Variants in LIMCH1 observed in about 807,000 individuals in gnomAD.
LIMCH1 encodes the protein LIM and calponin homology domains-containing protein 1.
In LIMCH1, 113 loss-of-function variants were observed where a neutral mutation model predicts 176.5. The observed-to-expected ratio is 0.64, with a 90% CI of 0.55 to 0.75. The LOEUF (loss-of-function observed/expected upper bound fraction) is 0.75. Among genes scored for constraint, LIMCH1 ranks in the 30% least tolerant of loss-of-function variants. The pLI is 0.00. For synonymous variants in LIMCH1, 619 were observed against 645.9 expected (o/e 0.96, Z 0.63); for missense variants, 1,674 against 1,814.9 (o/e 0.92, Z 1.41).
Position 41,629,656 on chromosome 4 carries a change from C to T in LIMCH1, c.1193C>T (p.Pro398Leu), listed in dbSNP as rs1253409384. 36 of 1,535,938 alleles carry T rather than the reference C, an allele frequency of 2.3e-5. No homozygotes were observed. In the Admixed American group the frequency reaches 3.3e-4, roughly 14 times the overall value. ...AGCCTTGCCCCTCACCGCGAGCCCC[C>T]GAGCTTCATTACGCTCTCCAACATA... ...QGSLAPHREP[P>L]SFITLSNITE... The change falls in exon 9 of 32, where the codon CCG becomes CTG. Residue 398 changes from proline to leucine, a missense_variant. Pro to Leu is a moderately conservative substitution (Grantham distance 98). Coordinates refer to ENST00000503057, the MANE Select transcript of LIMCH1 (RefSeq NM_001330672.2).
At position 41,633,041 on chromosome 4, in the gene LIMCH1, G is replaced by A; in HGVS notation, c.1785G>A (p.Glu595=). ...EETESAPRDS[E]RLSKAERSED... Reference sequence around the variant, plus strand: ...CAGAAAGCGCTCCAAGAGATTCTGAGAGGCTGTCAAAGGCAGAAAGATCAG... The same window carrying A: ...CAGAAAGCGCTCCAAGAGATTCTGAAAGGCTGTCAAAGGCAGAAAGATCAG... The change falls in exon 12 of 32, where the codon GAG becomes GAA. Residue 595 remains glutamate, a synonymous_variant. Transcript: ENST00000503057. The A allele has an allele frequency of 6.5e-7, 1 of 1,536,054 alleles. No individual in the cohort carries two copies. Among genetic ancestry groups the A allele is most frequent in the Non-Finnish European group, 8.7e-7 (1 of 1,146,920 alleles).
intron 21 of LIMCH1, chr4:41,670,783 T>G: frequency 6.5e-7 from 1 of 1,535,968 alleles, no homozygotes; most frequent in Non-Finnish European, 8.7e-7. Context: ...CCAGTTTTTC[T>G]CCCAGTCAGG....
rs565014254 is a variant in LIMCH1, at chr4:41,631,157, T to G, written c.1281T>G (p.Asp427Glu). ...TTCTGGTTTTGACTAGGGATGGAGA[T>G]GTTCAGCACATCTGTGCTTCTGAGC... ...LKVSEKARDGDVQHICASEPS... is the reference protein window; with the variant it reads ...LKVSEKARDGEVQHICASEPS... Residue 427 changes from aspartate (D) to glutamate (E), a missense_variant, in exon 10 of 32, where the codon GAT becomes GAG. Asp to Glu is a conservative substitution (Grantham distance 45). Coordinates refer to ENST00000503057, the MANE Select transcript of LIMCH1 (RefSeq NM_001330672.2). 1.3e-6 allele frequency: 2 copies of G among 1,527,680 alleles called. No individual in the cohort carries two copies. The highest frequency in any genetic ancestry group is 2.0e-5 in the Admixed American group (1 of 49,534). 94.6% of individuals were successfully genotyped at this position (1,527,680 alleles called of 1,614,324 possible). A position where few individuals can be genotyped will look rare whatever the true frequency, so the allele number is the denominator to read the frequency against.
At chr4:41,472,255 C>A (rs1269259805) in intron 1 of LIMCH1, among the ~76,000 whole-genome samples, 1 of 152,188 alleles carries the variant, frequency 6.6e-6, no homozygotes, top group Non-Finnish European at 1.5e-5. Flanking sequence ...CCAAACGACA[C>A]ATGTAGGCGC....
rs190259033 is a variant in LIMCH1, at chr4:41,527,119, G to A, written c.237+2641G>A. On this transcript the variant is annotated intron_variant, in intron 3 of 26. Transcript: ENST00000313860. ...AATTAAATAAAACTAAAGATCTAAT[G>A]CAAAACAGCCTCCTTTGTGAAACCT... Among the ~76,000 whole-genome samples the A allele has an allele frequency of 6.9e-3, 1,044 of 152,266 alleles. 15 individuals carry two copies. The highest frequency in any genetic ancestry group is 0.023 in the African/African-American group (964 of 41,546).
rs1482221420 is a variant in LIMCH1 at position 41,398,502 on chromosome 4, G to T, written c.96+37566G>T. On this transcript the variant is annotated intron_variant, in intron 1 of 26. Coordinates refer to the LIMCH1 transcript ENST00000313860. ...CATATCTCTTTTTGTTCTTATAGAG[G>T]CTAGGAGTAGAACTTTGCTGTTCAA... Among the ~76,000 whole-genome samples the T allele has an allele frequency of 2.0e-5, 3 of 152,142 alleles. No homozygotes were observed. In the East Asian group the frequency reaches 5.8e-4, roughly 29 times the overall value.
At chr4:41,465,954 CTTTTTTTTTT>C (rs34784602) in intron 1 of LIMCH1, among the ~76,000 whole-genome samples, 2 of 108,288 alleles carry the variant, frequency 1.8e-5, no homozygotes, top group Non-Finnish European at 3.6e-5. Context: ...CTGTTTGGCT[CTTTTTTTTTT>C]TTTTTTTTTT....
intron 13 of LIMCH1, among the ~76,000 whole-genome samples, chr4:41,638,108 G>T (rs548214187): frequency 0.01 from 783 of 76,512 alleles, 8 homozygotes; most frequent in African/African-American, 0.041. Context: ...TTGTTTTGTT[G>T]TTGTTGTTGT....
intron 1 of LIMCH1, among the ~76,000 whole-genome samples, chr4:41,430,859 C>G (rs959836513): frequency 3.9e-5 from 6 of 151,980 alleles, no homozygotes; most frequent in Non-Finnish European, 5.9e-5. Flanking sequence ...AGACAGAATT[C>G]CATTGAAAGC....
chr4:41,589,815 G>T (rs1032095043), intron 1 of LIMCH1, among the ~76,000 whole-genome samples: 1 of 152,092 alleles, frequency 6.6e-6, no homozygotes, highest in Admixed American at 6.5e-5. Context: ...TTCTGCAGGG[G>T]CCTTGCTTCT....
At chr4:41,566,194 G>A (rs891490321) in intron 1 of LIMCH1, among the ~76,000 whole-genome samples, 2 of 152,054 alleles carry the variant, frequency 1.3e-5, no homozygotes, top group African/African-American at 4.8e-5. Flanking sequence ...ATGAGGACTG[G>A]AATCAACTTA....
chr4:41,432,264 G>A (rs1269385915), intron 1 of LIMCH1, among the ~76,000 whole-genome samples: 1 of 152,204 alleles, frequency 6.6e-6, no homozygotes, highest in Non-Finnish European at 1.5e-5. Context: ...ATAACAGGGT[G>A]TATTGTTGAC....
At chr4:41,463,697 C>A (rs1489018049) in intron 1 of LIMCH1, among the ~76,000 whole-genome samples, 2 of 151,898 alleles carry the variant, frequency 1.3e-5, no homozygotes, top group Admixed American at 1.3e-4. Context: ...CACCTCAGCA[C>A]CCCCCGAGCA....
chr4:41,553,177 A>G (rs565125996), intron 1 of LIMCH1, among the ~76,000 whole-genome samples: 61 of 152,248 alleles, frequency 4.0e-4, no homozygotes, highest in Non-Finnish European at 7.5e-4. Flanking sequence ...TAGTTCTGTT[A>G]TCATGTGACT....
intron 1 of LIMCH1, among the ~76,000 whole-genome samples, chr4:41,368,583 T>C (rs941910422): frequency 1.3e-5 from 2 of 152,186 alleles, no homozygotes; most frequent in Non-Finnish European, 2.9e-5. Flanking sequence ...GAGAATTTGA[T>C]TGATGATGAT....
At chr4:41,555,534 G>T (rs1045349681) in intron 1 of LIMCH1, among the ~76,000 whole-genome samples, 2 of 152,120 alleles carry the variant, frequency 1.3e-5, no homozygotes, top group African/African-American at 4.8e-5. Flanking sequence ...ACAAATCTAA[G>T]TGAAGTTCTT....
intron 17 of LIMCH1, among the ~76,000 whole-genome samples, chr4:41,648,658 GGT>G (rs71650941): frequency 0.036 from 4,896 of 135,278 alleles, 93 homozygotes; most frequent in Middle Eastern, 0.059. Context: ...AAGGGGTAGG[GGT>G]GTGTGTGTGT....
intron 1 of LIMCH1, among the ~76,000 whole-genome samples, chr4:41,577,516 A>T (rs757402366): frequency 6.6e-6 from 1 of 152,110 alleles, no homozygotes; most frequent in Non-Finnish European, 1.5e-5. Flanking sequence ...TGCAGCCTCA[A>T]CCCTTTAGGC....
chr4:41,577,167 CTGG>C (rs2084628807), intron 1 of LIMCH1, among the ~76,000 whole-genome samples: 2 of 151,388 alleles, frequency 1.3e-5, no homozygotes, highest in Non-Finnish European at 2.9e-5. Context: ...CCAAATACTT[CTGG>C]AAATACGTAT....
Sources: gnomAD v4.1 joint callset for allele counts (sites outside exome capture counted in the v4.1 genomes callset) on GRCh38, gnomAD v4.1.1 for gene constraint, MANE v1.5 for transcripts, NCBI Gene and HGNC (gene_info 2026-07-23, HGNC 2026-07-21) for gene names.